Variants in ZNF385D observed in about 807,000 individuals in gnomAD.
ZNF385D encodes the protein zinc finger protein 659.
A neutral mutation model predicts 35.8 loss-of-function variants in ZNF385D; 15 were observed. The ratio of observed to expected loss-of-function variants is 0.42; its 90% CI spans 0.28 to 0.64. The LOEUF (loss-of-function observed/expected upper bound fraction) is 0.64. Among genes scored for constraint, ZNF385D ranks in the 30% least tolerant of loss-of-function variants. The probability of loss-of-function intolerance (pLI) is 0.23; values close to 1 mark genes in which losing one functional copy is unlikely to be tolerated. For synonymous variants in ZNF385D, 212 were observed against 186.8 expected, an observed-to-expected ratio of 1.13 and a Z score of -1.10; for missense variants, 474 against 494.6, an observed-to-expected ratio of 0.96 and a Z score of 0.39.
intron 2 of ZNF385D, among the ~76,000 whole-genome samples, chr3:22,220,256 G>C (rs2728984): frequency 6.6e-6 from 1 of 151,628 alleles, no homozygotes; most frequent in Non-Finnish European, 1.5e-5. Flanking sequence ...ATAGAGACAA[G>C]ATCTCACTAT....
chr3:21,897,799 A>G (rs1699210460), intron 3 of ZNF385D, among the ~76,000 whole-genome samples: 1 of 152,154 alleles, frequency 6.6e-6, no homozygotes, highest in Admixed American at 6.6e-5. Flanking sequence ...ATATAGATGC[A>G]TTCATGTGAT....
intron 2 of ZNF385D, 113 bp downstream of exon 2, chr3:21,664,773 C>T: frequency 1.4e-6 from 2 of 1,410,478 alleles, no homozygotes; most frequent in Non-Finnish European, 2.0e-6. Flanking sequence ...TCTAGACAAA[C>T]CATGCAATGA....
intron 3 of ZNF385D, among the ~76,000 whole-genome samples, chr3:22,030,299 A>ATG (rs1457368726): frequency 8.7e-6 from 1 of 114,756 alleles, no homozygotes; most frequent in African/African-American, 3.3e-5. Flanking sequence ...ATATATATAT[A>ATG]TATCCTATTT....
chr3:22,321,576 A>C (rs984596510), intron 2 of ZNF385D, among the ~76,000 whole-genome samples: 4 of 151,994 alleles, frequency 2.6e-5, no homozygotes, highest in Admixed American at 6.6e-5. Context: ...TGTGTTAGCC[A>C]GGATGGTCTC....
chr3:21,456,413 A>G (rs1031774669), intron 4 of ZNF385D, among the ~76,000 whole-genome samples: 1 of 152,246 alleles, frequency 6.6e-6, no homozygotes, highest in African/African-American at 2.4e-5. Context: ...GCAATAAAAA[A>G]GGATGAGTTC....
At chr3:22,309,319 TTTAA>T (rs1309877743) in intron 2 of ZNF385D, among the ~76,000 whole-genome samples, 2 of 152,038 alleles carry the variant, frequency 1.3e-5, no homozygotes, top group African/African-American at 4.8e-5. Context: ...CAGTTAAAAC[TTTAA>T]TTATTCATGT....
intron 2 of ZNF385D, among the ~76,000 whole-genome samples, chr3:22,342,413 TAATTATTTACTTGTA>T (rs1240456519): frequency 1.3e-5 from 2 of 152,160 alleles, no homozygotes; most frequent in East Asian, 3.9e-4. Context: ...CAAGTTCTGC[TAATTATTTACTTGTA>T]AATTCTATGA....
Position 22,048,095 on chromosome 3 carries a change from T to G in ZNF385D, c.325+120722A>C, listed in dbSNP as rs141829157. ...TCATTTCTTAATCAGGTTATTTGTTTACTTACTATTGAATTGAGTTCCATA... is the reference window on the plus strand; with the variant it reads ...TCATTTCTTAATCAGGTTATTTGTTGACTTACTATTGAATTGAGTTCCATA... On this transcript the variant is annotated intron_variant, in intron 3 of 5. Coordinates refer to the ZNF385D transcript ENST00000494108. 1.6e-3 allele frequency among the ~76,000 whole-genome samples: 247 copies of G among 152,306 alleles called. 2 individuals are homozygous for G. The highest frequency in any genetic ancestry group is 5.7e-3 in the African/African-American group (239 of 41,568).
chr3:21,672,436 T>C (rs1009842778), intron 1 of ZNF385D, among the ~76,000 whole-genome samples: 1 of 152,034 alleles, frequency 6.6e-6, no homozygotes, highest in Admixed American at 6.6e-5. Context: ...AAGGGCAAGT[T>C]GTCAGCCCTA....
At chr3:22,183,438 A>T (rs558303451) in intron 2 of ZNF385D, among the ~76,000 whole-genome samples, 1 of 151,910 alleles carries the variant, frequency 6.6e-6, no homozygotes, top group South Asian at 2.1e-4. Flanking sequence ...GCTCACTACA[A>T]CCTCCGCCTC....
At chr3:22,266,008 C>A (rs1189425557) in intron 2 of ZNF385D, among the ~76,000 whole-genome samples, 1 of 151,934 alleles carries the variant, frequency 6.6e-6, no homozygotes, top group Non-Finnish European at 1.5e-5. Context: ...ACTCTACAGG[C>A]CATCTTGGCC....
intron 2 of ZNF385D, among the ~76,000 whole-genome samples, chr3:22,236,234 T>C (rs1699177254): frequency 6.6e-6 from 1 of 152,224 alleles, no homozygotes; most frequent in Non-Finnish European, 1.5e-5. Flanking sequence ...TGTATACGTG[T>C]ATTTACATAT....
At chr3:21,421,794 T>A (rs1303520704) in intron 7 of ZNF385D, among the ~76,000 whole-genome samples, 1 of 152,218 alleles carries the variant, frequency 6.6e-6, no homozygotes, top group Non-Finnish European at 1.5e-5. Context: ...ATACATTAAC[T>A]ACTAAAGAGC....
chr3:22,126,318 T>G (rs973647482), intron 3 of ZNF385D, among the ~76,000 whole-genome samples: 2 of 151,118 alleles, frequency 1.3e-5, no homozygotes, highest in Admixed American at 1.3e-4. Flanking sequence ...TTGTTTTTTT[T>G]TTTTTTTTTT....
At position 22,175,872 on chromosome 3, in the gene ZNF385D, GA is replaced by G. The variant is rs199531990; in HGVS notation, c.107-6838del. ...TTCCTCTATATTCAAGACTAATGTAGAAAAATTTATTTTACTGTTATGGTAA... is the reference window on the plus strand; with the variant it reads ...TTCCTCTATATTCAAGACTAATGTAGAAAATTTATTTTACTGTTATGGTAA... On this transcript the variant is annotated intron_variant, in intron 2 of 5. Coordinates refer to the ZNF385D transcript ENST00000494108. 5.3e-3 allele frequency among the ~76,000 whole-genome samples: 787 copies of G among 148,990 alleles called. 8 individuals carry two copies. Among genetic ancestry groups the G allele is most frequent in the African/African-American group, 0.018 (733 of 40,812 alleles).
intron 3 of ZNF385D, among the ~76,000 whole-genome samples, chr3:21,953,089 A>G (rs1432616667): frequency 6.6e-6 from 1 of 151,934 alleles, no homozygotes. Flanking sequence ...CACAATTGTC[A>G]AACCTGAGTA....
chr3:21,922,207 C>T (rs545861685), intron 3 of ZNF385D, among the ~76,000 whole-genome samples: 1 of 152,272 alleles, frequency 6.6e-6, no homozygotes, highest in East Asian at 1.9e-4. Flanking sequence ...AATGGCCATA[C>T]TGCCCAAAGC....
chr3:21,852,103 A>C (rs561298854), intron 3 of ZNF385D, among the ~76,000 whole-genome samples: 1 of 152,102 alleles, frequency 6.6e-6, no homozygotes, highest in African/African-American at 2.4e-5. Flanking sequence ...TTCTGAATGG[A>C]TGAGTGAATG....
intron 3 of ZNF385D, among the ~76,000 whole-genome samples, chr3:22,092,427 C>T (rs1044560896): frequency 2.0e-5 from 3 of 152,132 alleles, no homozygotes; most frequent in Non-Finnish European, 4.4e-5. Flanking sequence ...CTCTGAAACC[C>T]CATCAGTTGC....
Sources: allele counts gnomAD v4.1 joint callset (sites outside exome capture counted in the v4.1 genomes callset), GRCh38; gene constraint gnomAD v4.1.1; transcripts MANE v1.5; gene names NCBI Gene and HGNC (gene_info 2026-07-23, HGNC 2026-07-21).